Variants in APCDD1L observed in about 807,000 individuals in gnomAD.
APCDD1L encodes the protein APC down-regulated 1 like, also known as protein APCDD1-like.
APCDD1L carries 21 observed loss-of-function variants against 24.2 expected under a neutral mutation model. The ratio of observed to expected loss-of-function variants is 0.87; its 90% CI spans 0.61 to 1.25. APCDD1L has a LOEUF of 1.25. APCDD1L is among the 50% of genes most tolerant of loss of function. The pLI is 0.00. For missense variants in APCDD1L, 704 were observed against 711.7 expected, an observed-to-expected ratio of 0.99 and a Z score of 0.12; for synonymous variants, 321 against 323.6, an observed-to-expected ratio of 0.99 and a Z score of 0.09.
rs201616837 is a variant in APCDD1L, at chr20:58,461,193, G to T, written c.1103C>A (p.Thr368Lys). Reference protein sequence around the residue: ...AHVTPMDQVTTAMLNFSEPSS... With the variant: ...AHVTPMDQVTKAMLNFSEPSS... ...TGGCTCAGAGAAGTTGAGCATGGCC[G>T]TGGTGACCTGGTCCATGGGGGTCAC... Residue 368 changes from threonine (T) to lysine (K), a missense_variant, in exon 4 of 4, where the codon ACG (threonine) becomes AAG (lysine). Thr to Lys is a moderately conservative substitution (Grantham distance 78). Coordinates refer to ENST00000371149, the MANE Select transcript of APCDD1L (RefSeq NM_153360.3). This position sits in a 1 kb window ranked among gnomAD's most constrained non-coding sequence, Gnocchi z 6.0. 1.2e-6 allele frequency: 2 copies of T among 1,613,400 alleles called. No individual in the cohort carries two copies. The highest frequency in any genetic ancestry group is 1.7e-6 in the Non-Finnish European group (2 of 1,179,826).
chr20:58,462,797 T>G (rs190785869), intron 3 of APCDD1L, among the ~76,000 whole-genome samples: 1 of 147,180 alleles, frequency 6.8e-6, no homozygotes, highest in African/African-American at 2.5e-5. Flanking sequence ...TGAGCTGAGA[T>G]CACACCATTG....
intron 1 of APCDD1L, among the ~76,000 whole-genome samples, chr20:58,482,098 T>A (rs921726026): frequency 6.6e-5 from 10 of 152,224 alleles, no homozygotes; most frequent in African/African-American, 2.2e-4. Context: ...ACTGAGATTT[T>A]AAATGCAAGA....
chr20:58,475,299 A>G (rs1989884891), intron 1 of APCDD1L, among the ~76,000 whole-genome samples: 1 of 152,132 alleles, frequency 6.6e-6, no homozygotes, highest in Admixed American at 6.5e-5. Flanking sequence ...GCACGAACGA[A>G]CACAGGGTGG....
chr20:58,480,490 G>T (rs1235081063), intron 1 of APCDD1L, among the ~76,000 whole-genome samples: 2 of 152,218 alleles, frequency 1.3e-5, no homozygotes, highest in African/African-American at 2.4e-5. Context: ...GGAGGACAAA[G>T]GTGGGCCTTG....
At chr20:58,502,180 G>A (rs904652709) in intron 1 of APCDD1L, among the ~76,000 whole-genome samples, 74 of 152,230 alleles carry the variant, frequency 4.9e-4, no homozygotes, top group Admixed American at 9.2e-4. Context: ...TCGGCTCACT[G>A]GAACCTGTCT....
intron 1 of APCDD1L, among the ~76,000 whole-genome samples, chr20:58,479,361 C>T (rs6100080): frequency 0.023 from 3,566 of 152,232 alleles, 139 homozygotes; most frequent in African/African-American, 0.082. Flanking sequence ...ATTTCAGGTG[C>T]CCTGTGACTA....
intron 1 of APCDD1L, among the ~76,000 whole-genome samples, chr20:58,510,238 C>T (rs1417486924): frequency 6.6e-6 from 1 of 152,154 alleles, no homozygotes; most frequent in Non-Finnish European, 1.5e-5. Context: ...CTGATTGGTC[C>T]TTCTGTCTTC....
chr20:58,500,096 G>A (rs1040608862), intron 1 of APCDD1L, among the ~76,000 whole-genome samples: 3 of 152,208 alleles, frequency 2.0e-5, no homozygotes, highest in African/African-American at 7.2e-5. Flanking sequence ...GGCATAAGGT[G>A]AAGCTTCTTT....
In APCDD1L at chr20:58,460,017, G is replaced by A. The variant is rs1207669697; in HGVS notation, c.*773C>T. 1 of 152,378 alleles carries A rather than the reference G, an allele frequency of 6.6e-6. No homozygotes were observed. Among genetic ancestry groups the A allele is most frequent in the African/African-American group, 2.4e-5 (1 of 41,468 alleles). 9.4% of individuals were successfully genotyped at this position (152,378 alleles called of 1,614,324 possible). On this transcript the variant is annotated 3_prime_UTR_variant, in exon 4 of 4. Coordinates refer to ENST00000371149, the MANE Select transcript of APCDD1L (RefSeq NM_153360.3). The surrounding 1 kb of genome is among the most constrained non-coding windows in gnomAD (Gnocchi z 4.2). ...TTTGCCTGGGCCAGGAAGGCTTGGA[G>A]GCCGCAGGCTGCTCTGGGGAGGCCA...
At chr20:58,482,524 G>T (rs1045368841) in intron 1 of APCDD1L, among the ~76,000 whole-genome samples, 1 of 152,200 alleles carries the variant, frequency 6.6e-6, no homozygotes, top group African/African-American at 2.4e-5. Flanking sequence ...GCCCAGCTGG[G>T]TTCTTACCCT....
intron 1 of APCDD1L, among the ~76,000 whole-genome samples, chr20:58,475,120 C>T (rs1426182015): frequency 1.3e-5 from 2 of 152,144 alleles, no homozygotes; most frequent in African/African-American, 2.4e-5. Context: ...TCATGAAAAA[C>T]GCAGGTATGG....
chr20:58,475,562 G>A (rs1250293428), intron 1 of APCDD1L, among the ~76,000 whole-genome samples: 1 of 152,130 alleles, frequency 6.6e-6, no homozygotes. Flanking sequence ...ACTCGTGGGT[G>A]TGGTAAATGG....
chr20:58,481,228 A>T (rs1990018745), intron 1 of APCDD1L, among the ~76,000 whole-genome samples: 1 of 152,226 alleles, frequency 6.6e-6, no homozygotes, highest in South Asian at 2.1e-4. Flanking sequence ...TGTATCTGGG[A>T]GTCTCCCGTT....
At chr20:58,480,083 C>G (rs1165313184) in intron 1 of APCDD1L, among the ~76,000 whole-genome samples, 1 of 152,222 alleles carries the variant, frequency 6.6e-6, no homozygotes, top group Non-Finnish European at 1.5e-5. Flanking sequence ...CCTCACATGT[C>G]TCTCATTTGG....
At chr20:58,473,490 C>T (rs1012981692) in intron 1 of APCDD1L, among the ~76,000 whole-genome samples, 17 of 152,170 alleles carry the variant, frequency 1.1e-4, no homozygotes, top group Admixed American at 1.0e-3. Flanking sequence ...CTTGGTCATG[C>T]GTGAAGTCTC....
rs1990723366 is a variant in APCDD1L at position 58,515,312 on chromosome 20, G to T, written c.-605C>A. On this transcript the variant is annotated 5_prime_UTR_variant, in exon 1 of 4. Transcript: ENST00000371149. ...GAAGCGCAGTGAAAGTGGCCAACCC[G>T]GTCGCCTAGAAGCCAGCCCCGGCCT... 1 of 266,092 alleles carries T rather than the reference G, an allele frequency of 3.8e-6. No homozygotes were observed. Among genetic ancestry groups the T allele is most frequent in the Non-Finnish European group, 7.0e-6 (1 of 142,872 alleles). 16.5% of individuals were successfully genotyped at this position (266,092 alleles called of 1,614,324 possible).
intron 1 of APCDD1L, among the ~76,000 whole-genome samples, chr20:58,481,768 C>T (rs573056307): frequency 6.6e-6 from 1 of 152,314 alleles, no homozygotes; most frequent in Admixed American, 6.5e-5. Flanking sequence ...GGTCACCCAG[C>T]CTCCCTCGTT....
In APCDD1L at chr20:58,467,134, C is replaced by T. The variant is rs774256963; in HGVS notation, c.713G>A (p.Gly238Asp). The change falls in exon 3 of 4, where the codon GGC becomes GAC. Residue 238 changes from glycine (G) to aspartate (D), a missense_variant. Gly to Asp is a moderately conservative substitution (Grantham distance 94, BLOSUM62 -1). Coordinates refer to ENST00000371149, the MANE Select transcript of APCDD1L (RefSeq NM_153360.3). This position sits in a 1 kb window ranked among gnomAD's most constrained non-coding sequence, Gnocchi z 5.9. ...TGCGCTCTGCAGCGGGCGCTGGTAG[C>T]CCGTGGGCCGGTAGTGCCGCCTCTC... ...PAERRHYRPT[G>D]YQRPLQSALH... 1.9e-6 allele frequency: 3 copies of T among 1,607,942 alleles called. No individual in the cohort carries two copies. Among genetic ancestry groups the T allele is most frequent in the Non-Finnish European group, 2.5e-6 (3 of 1,179,424 alleles).
chr20:58,467,686 G>T lies in APCDD1L; in HGVS notation c.189-28C>A. ...GCAGGGGTGGAAGGAGATGGGCTGG[G>T]TGCAGAGGGAACACCGCGCCGCGAG... On this transcript the variant is annotated intron_variant, in intron 2 of 3. Coordinates refer to ENST00000371149, the MANE Select transcript of APCDD1L (RefSeq NM_153360.3). This position sits in a 1 kb window ranked among gnomAD's most constrained non-coding sequence, Gnocchi z 5.9. 2 of 1,455,584 alleles carry T rather than the reference G, an allele frequency of 1.4e-6. No homozygotes were observed. The highest frequency in any genetic ancestry group is 3.0e-5 in the South Asian group (2 of 66,794). 90.2% of individuals were successfully genotyped at this position (1,455,584 alleles called of 1,614,324 possible). A position where few individuals can be genotyped will look rare whatever the true frequency, so the allele number is the denominator to read the frequency against.
Sources: gnomAD v4.1 joint callset for allele counts (sites outside exome capture counted in the v4.1 genomes callset) on GRCh38, gnomAD v4.1.1 for gene constraint, Gnocchi (gnomAD v3.1) non-coding constraint, MANE v1.5 for transcripts, NCBI Gene and HGNC (gene_info 2026-07-23, HGNC 2026-07-21) for gene names.